The following MYCBP2 variants were observed in gnomAD, a reference collection of about 807,000 sequenced individuals.
MYCBP2 encodes E3 ubiquitin-protein ligase MYCBP2.
Under a neutral mutation model 525.3 loss-of-function variants are expected in MYCBP2, and 120 were observed. The observed-to-expected ratio is 0.23, with a 90% confidence interval of 0.20 to 0.27. MYCBP2 has a LOEUF of 0.27. Ranked by LOEUF, MYCBP2 falls within the 10% of genes least tolerant of loss-of-function variation. MYCBP2 has a pLI of 1.00. For synonymous variants in MYCBP2, 1,894 were observed against 1,955.8 expected (o/e 0.97, Z 0.83); for missense variants, 4,149 against 5,657.1 (o/e 0.73, Z 8.55).
intron 55 of MYCBP2, among the ~76,000 whole-genome samples, chr13:77,104,643 C>T (rs1404169043): frequency 2.6e-5 from 4 of 152,052 alleles, no homozygotes; most frequent in Admixed American, 6.6e-5. Context: ...AGGAAATATC[C>T]GGCAGGCAAA....
chr13:77,183,195 T>C (rs2060377045), intron 32 of MYCBP2, among the ~76,000 whole-genome samples: 1 of 152,232 alleles, frequency 6.6e-6, no homozygotes. Flanking sequence ...TCATCTGTAA[T>C]TTTTCCTTGT....
At chr13:77,140,289 G>A (rs1261567229) in intron 50 of MYCBP2, 126 bp from the exon 51 acceptor site, 2 of 565,758 alleles carry the variant, frequency 3.5e-6, no homozygotes, top group African/African-American at 1.9e-5. Context: ...AGAATTATTT[G>A]TAGAGAGGCT....
At chr13:77,304,683 T>C (rs1230531736) in intron 1 of MYCBP2, among the ~76,000 whole-genome samples, 2 of 152,134 alleles carry the variant, frequency 1.3e-5, no homozygotes, top group African/African-American at 4.8e-5. Flanking sequence ...GATTTGATCA[T>C]TACACATTGT....
intron 46 of MYCBP2, among the ~76,000 whole-genome samples, chr13:77,154,528 G>C (rs1480327959): frequency 6.6e-6 from 1 of 151,828 alleles, no homozygotes; most frequent in Non-Finnish European, 1.5e-5. Flanking sequence ...GATATCAAAA[G>C]AGATAATAAA....
chr13:77,209,763 T>C (rs1378843116), intron 23 of MYCBP2, among the ~76,000 whole-genome samples: 1 of 152,216 alleles, frequency 6.6e-6, no homozygotes, highest in Non-Finnish European at 1.5e-5. Context: ...TCTCATAAAA[T>C]GCCCAAATAA....
In MYCBP2 at chr13:77,058,960, G is replaced by A. The variant is rs1037392843; in HGVS notation, c.13141-554C>T. Among the ~76,000 whole-genome samples, 4 of 152,026 alleles carry A rather than the reference G, an allele frequency of 2.6e-5. No individual in the cohort carries two copies. Among genetic ancestry groups the A allele is most frequent in the African/African-American group, 9.7e-5 (4 of 41,378 alleles). On this transcript the variant is annotated intron_variant, in intron 77 of 82. Coordinates refer to ENST00000544440, the MANE Select transcript of MYCBP2 (RefSeq NM_015057.5). The surrounding 1 kb of genome is among the most constrained non-coding windows in gnomAD (Gnocchi z 4.1). ...AGATCGTGCCACTGTACTCCAGCCT[G>A]GGCGACACAGCCAGACTCCGTCTCA... is the stretch of plus-strand genomic sequence containing the variant.
rs927575690 is a variant in MYCBP2 at position 77,225,524 on chromosome 13, G to A, written c.2768C>T (p.Ala923Val). Reference sequence around the variant, plus strand: ...TGGAGGGTATGTTGTGATTTTGCTTGCATCCTTTTCGCCTCTTTCTCCACT... The same window carrying A: ...TGGAGGGTATGTTGTGATTTTGCTTACATCCTTTTCGCCTCTTTCTCCACT... ...DGSGERGEKD[A>V]SKITTYPPGS... Residue 923 changes from alanine (A) to valine (V), a missense_variant, in exon 19 of 83, where the codon GCA becomes GTA. By Grantham distance (64) the Ala-to-Val change is moderately conservative. This residue lies in a region of MYCBP2 where 620 missense variants were observed against 795.5 expected (regional missense o/e 0.78). Transcript: ENST00000544440. 3.1e-6 allele frequency: 5 copies of A among 1,613,492 alleles called. No individual in the cohort carries two copies. The Admixed American group carries it at 5.0e-5, about 16-fold the overall frequency.
At chr13:77,137,060 C>T (rs1448356865) in intron 52 of MYCBP2, among the ~76,000 whole-genome samples, 2 of 152,182 alleles carry the variant, frequency 1.3e-5, no homozygotes, top group East Asian at 3.8e-4. Flanking sequence ...CATTAACAAC[C>T]TCCGCACTCA....
At chr13:77,141,492 C>A (rs1395827968) in intron 49 of MYCBP2, among the ~76,000 whole-genome samples, 1 of 152,074 alleles carries the variant, frequency 6.6e-6, no homozygotes, top group African/African-American at 2.4e-5. Context: ...TACAAGGGGC[C>A]AGGCGCAGTG....
intron 1 of MYCBP2, among the ~76,000 whole-genome samples, chr13:77,308,234 A>T (rs1322769924): frequency 6.6e-6 from 1 of 152,212 alleles, no homozygotes; most frequent in East Asian, 1.9e-4. Context: ...TAAAATAGAG[A>T]CACCATTACA....
At chr13:77,201,923 T>C (rs2154269729) in intron 26 of MYCBP2, among the ~76,000 whole-genome samples, 1 of 152,124 alleles carries the variant, frequency 6.6e-6, no homozygotes, top group Middle Eastern at 3.4e-3. Context: ...TAGCACTAAA[T>C]GCCCACAAGA....
intron 15 of MYCBP2, among the ~76,000 whole-genome samples, chr13:77,245,836 GTA>G (rs200669454): frequency 9.9e-5 from 13 of 131,408 alleles, no homozygotes; most frequent in Admixed American, 3.4e-4. Context: ...ACATATATAT[GTA>G]TATATATATG....
chr13:77,099,210 C>G (rs950783698), intron 55 of MYCBP2, 197 bp from the exon 56 acceptor site: 2 of 724,560 alleles, frequency 2.8e-6, no homozygotes, highest in African/African-American at 3.6e-5. Flanking sequence ...CACAACATTA[C>G]CACCAAAAAC....
intron 14 of MYCBP2, among the ~76,000 whole-genome samples, chr13:77,257,107 T>A (rs1169043076): frequency 6.6e-6 from 1 of 152,044 alleles, no homozygotes; most frequent in Non-Finnish European, 1.5e-5. Context: ...TGGAGGATAT[T>A]ATGTTAAGTG....
chr13:77,191,891 G>C, intron 27 of MYCBP2, 78 bp from the exon 28 acceptor site: 1 of 1,400,194 alleles, frequency 7.1e-7, no homozygotes. Flanking sequence ...AAAATCCCTT[G>C]TGAACAAAAA....
intron 4 of MYCBP2, among the ~76,000 whole-genome samples, chr13:77,277,737 G>C (rs1194994974): frequency 6.6e-6 from 1 of 152,106 alleles, no homozygotes; most frequent in Non-Finnish European, 1.5e-5. Flanking sequence ...AACACCATAG[G>C]GAAGTCCCCG....
intron 15 of MYCBP2, 28 bp downstream of exon 15, chr13:77,251,123 T>C (rs1196102503): frequency 6.2e-7 from 1 of 1,605,144 alleles, no homozygotes; most frequent in East Asian, 2.2e-5. Flanking sequence ...TCTGCACATG[T>C]TCTTTAGTAG....
chr13:77,053,907 G>GA (rs1179292678), intron 80 of MYCBP2, among the ~76,000 whole-genome samples: 3 of 152,050 alleles, frequency 2.0e-5, no homozygotes, highest in Admixed American at 6.5e-5. Context: ...ATAGAAAAAT[G>GA]AAAAAACATA....
intron 26 of MYCBP2, among the ~76,000 whole-genome samples, chr13:77,195,024 CTTT>C (rs68089729): frequency 6.7e-6 from 1 of 149,366 alleles, no homozygotes; most frequent in East Asian, 2.0e-4. Flanking sequence ...AAAAAATGTC[CTTT>C]TTTTTTTTAA....
Sources: allele counts gnomAD v4.1 joint callset (sites outside exome capture counted in the v4.1 genomes callset), GRCh38; gene constraint gnomAD v4.1.1; regional missense constraint gnomAD v4.1.1; non-coding constraint Gnocchi (gnomAD v3.1); transcripts MANE v1.5; gene names NCBI Gene and HGNC (gene_info 2026-07-23, HGNC 2026-07-21).